SCMH1: variants seen among roughly 807,000 people sequenced by gnomAD.
SCMH1 encodes the protein Scm polycomb group protein homolog 1, also known as polycomb protein SCMH1.
A neutral mutation model predicts 70.8 loss-of-function variants in SCMH1; 37 were observed. The ratio of observed to expected loss-of-function variants is 0.52; its 90% confidence interval spans 0.40 to 0.69. The LOEUF (loss-of-function observed/expected upper bound fraction) is 0.69, where lower values mean the gene tolerates loss of function less well. Among genes scored for constraint, SCMH1 ranks in the 30% least tolerant of loss-of-function variants. The pLI is 0.00. For synonymous variants in SCMH1, 292 were observed against 307.4 expected (o/e 0.95, Z 0.52); for missense variants, 607 against 827.3 (o/e 0.73, Z 3.27).
intron 1 of SCMH1, among the ~76,000 whole-genome samples, chr1:41,217,012 T>G (rs901698367): frequency 6.6e-6 from 1 of 152,184 alleles, no homozygotes; most frequent in Non-Finnish European, 1.5e-5. Context: ...GGTGCACTAC[T>G]CTAACAAATA....
At chr1:41,102,827 A>G (rs1304405370) in intron 8 of SCMH1, among the ~76,000 whole-genome samples, 2 of 152,170 alleles carry the variant, frequency 1.3e-5, no homozygotes, top group East Asian at 3.9e-4. Context: ...AGGTGGCATG[A>G]AAGCACATGG....
In SCMH1 at chr1:41,105,187, C is replaced by T. The variant is rs893573442; in HGVS notation, c.745+8096G>A. Among the ~76,000 whole-genome samples the T allele has an allele frequency of 1.1e-4, 16 of 151,568 alleles. 1 individual carries two copies. Among genetic ancestry groups the T allele is most frequent in the Admixed American group, 1.1e-3 (16 of 15,212 alleles). ...CCATGTTGGCCAAGCTGGTCTTGAACTCTGGTCCTCAGGTGATCCACCTGT... is the reference window on the plus strand; with the variant it reads ...CCATGTTGGCCAAGCTGGTCTTGAATTCTGGTCCTCAGGTGATCCACCTGT... On this transcript the variant is annotated intron_variant, in intron 8 of 14. Transcript: ENST00000337495.
intron 10 of SCMH1, among the ~76,000 whole-genome samples, chr1:41,065,324 C>T (rs548714531): frequency 6.6e-6 from 1 of 152,278 alleles, no homozygotes; most frequent in African/African-American, 2.4e-5. Context: ...ACAAAATTAG[C>T]TAGGTATAGT....
rs535780815 is a variant in SCMH1, at chr1:41,179,456, T to C, written c.13+6665A>G. On this transcript the variant is annotated intron_variant, in intron 2 of 14. Coordinates refer to ENST00000337495, the Ensembl canonical transcript of SCMH1. ...TGGTTTTTTGAAAAGATCAACAAAATTGACAGACCGCTAGCAAGACTAATA... is the reference window on the plus strand; with the variant it reads ...TGGTTTTTTGAAAAGATCAACAAAACTGACAGACCGCTAGCAAGACTAATA... Among the ~76,000 whole-genome samples, 8 of 152,076 alleles carry C rather than the reference T, an allele frequency of 5.3e-5. No homozygotes were observed. The East Asian group carries it at 1.5e-3, about 29-fold the overall frequency.
At chr1:41,069,473 G>A (rs763196894) in intron 10 of SCMH1, among the ~76,000 whole-genome samples, 5 of 152,178 alleles carry the variant, frequency 3.3e-5, no homozygotes, top group Non-Finnish European at 7.4e-5. Context: ...AATAAGTTGT[G>A]TAGACCCTTC....
intron 2 of SCMH1, among the ~76,000 whole-genome samples, chr1:41,184,036 A>G (rs1308022740): frequency 6.6e-6 from 1 of 152,150 alleles, no homozygotes; most frequent in South Asian, 2.1e-4. Flanking sequence ...GTGCACAACA[A>G]TGTGAATGTC....
At chr1:41,056,341 G>A (rs1650291796) in intron 10 of SCMH1, among the ~76,000 whole-genome samples, 1 of 152,120 alleles carries the variant, frequency 6.6e-6, no homozygotes, top group African/African-American at 2.4e-5. Context: ...GAGATGAGCT[G>A]TATTCATTTT....
intron 1 of SCMH1, among the ~76,000 whole-genome samples, chr1:41,198,113 T>C (rs977037340): frequency 2.0e-5 from 3 of 152,174 alleles, no homozygotes; most frequent in Admixed American, 6.5e-5. Flanking sequence ...TCATGATCTA[T>C]TTTCATGAAT....
chr1:41,051,837 A>T (rs78795974), intron 10 of SCMH1, among the ~76,000 whole-genome samples: 1,967 of 151,734 alleles, frequency 0.013, 44 homozygotes, highest in African/African-American at 0.045. Flanking sequence ...GAAGAAAATT[A>T]AAAAAAAATT....
At chr1:41,084,817 A>G (rs374822842) in intron 8 of SCMH1, among the ~76,000 whole-genome samples, 3 of 151,712 alleles carry the variant, frequency 2.0e-5, no homozygotes, top group African/African-American at 7.3e-5. Flanking sequence ...ATGAGTTCAT[A>G]TCCTTTGTAG....
chr1:41,053,792 T>G (rs769348275), intron 10 of SCMH1, among the ~76,000 whole-genome samples: 5 of 151,698 alleles, frequency 3.3e-5, no homozygotes, highest in Non-Finnish European at 7.4e-5. Flanking sequence ...CAGTGAAAAC[T>G]GAAGGAGACT....
At chr1:41,170,276 A>AAACC (rs1275877978) in intron 2 of SCMH1, among the ~76,000 whole-genome samples, 1 of 152,200 alleles carries the variant, frequency 6.6e-6, no homozygotes, top group Non-Finnish European at 1.5e-5. Flanking sequence ...TGTGGGGTTA[A>AAACC]AACCCTCCTC....
At chr1:41,054,972 G>A (rs150546474) in intron 10 of SCMH1, among the ~76,000 whole-genome samples, 39 of 152,172 alleles carry the variant, frequency 2.6e-4, no homozygotes, top group African/African-American at 8.9e-4. Context: ...TTGTAGAGAC[G>A]GGTTCTCACT....
At chr1:41,137,512 T>C (rs540278810) in intron 6 of SCMH1, among the ~76,000 whole-genome samples, 15 of 152,330 alleles carry the variant, frequency 9.8e-5, no homozygotes, top group African/African-American at 2.6e-4. Flanking sequence ...TTACTTTTTG[T>C]CCTCTTGACC....
chr1:41,178,860 G>T (rs912637110), intron 2 of SCMH1, among the ~76,000 whole-genome samples: 1 of 152,180 alleles, frequency 6.6e-6, no homozygotes, highest in Non-Finnish European at 1.5e-5. Context: ...TCCAGGAATT[G>T]AGCTCAGCTC....
chr1:41,028,444 C>G (rs1432598714), intron 14 of SCMH1, 125 bp from the exon 16 acceptor site: 1 of 1,505,460 alleles, frequency 6.6e-7, no homozygotes, highest in Admixed American at 1.8e-5. Context: ...GTCCAGTTCA[C>G]CTGCTGTGAT....
intron 5 of SCMH1, among the ~76,000 whole-genome samples, chr1:41,147,924 T>G (rs1468224495): frequency 1.3e-5 from 2 of 152,174 alleles, no homozygotes; most frequent in Admixed American, 1.3e-4. Flanking sequence ...CAGAAAAAAG[T>G]GTAAGTTTTT....
intron 13 of SCMH1, chr1:41,034,024 C>G (rs749919568): frequency 6.2e-7 from 1 of 1,613,218 alleles, no homozygotes; most frequent in Middle Eastern, 1.6e-4. Flanking sequence ...CATATCCCTT[C>G]TTTCATTTGA....
intron 6 of SCMH1, among the ~76,000 whole-genome samples, chr1:41,128,500 CA>C (rs1461098816): frequency 2.6e-5 from 4 of 152,248 alleles, no homozygotes; most frequent in Admixed American, 2.6e-4. Flanking sequence ...TTCTGGCTTG[CA>C]CTGTTTCTGA....
Sources: allele counts gnomAD v4.1 joint callset (sites outside exome capture counted in the v4.1 genomes callset), GRCh38; gene constraint gnomAD v4.1.1; transcripts MANE v1.5; gene names NCBI Gene and HGNC (gene_info 2026-07-23, HGNC 2026-07-21).